Variants in PGAP3 observed in about 807,000 individuals in gnomAD.
PGAP3 encodes GPI-specific phospholipase A2-like PGAP3.
Under a neutral mutation model 40.3 loss-of-function variants are expected in PGAP3, and 31 were observed. The observed-to-expected ratio is 0.77, with a 90% CI of 0.58 to 1.04. The LOEUF (loss-of-function observed/expected upper bound fraction) is 1.04. Ranked by LOEUF, PGAP3 falls within the 50% of genes least tolerant of loss-of-function variation. The pLI, the probability that PGAP3 is intolerant of heterozygous loss-of-function variation, is 0.00. For missense variants in PGAP3, 413 were observed against 423.0 expected (o/e 0.98, Z 0.21); for synonymous variants, 191 against 184.5 (o/e 1.04, Z -0.29).
chr17:39,677,309 C>T (rs11656146), intron 3 of PGAP3, among the ~76,000 whole-genome samples: 8,535 of 152,182 alleles, frequency 0.056, 345 homozygotes, highest in Non-Finnish European at 0.086. Context: ...ACTCTCACCA[C>T]GCCCGTTCAC....
In PGAP3 at chr17:39,684,860, C is replaced by T. The variant is rs1437358456; in HGVS notation, c.280-111G>A. The T allele has an allele frequency of 3.8e-6, 5 of 1,318,140 alleles. No homozygotes were observed. The African/African-American group carries it at 7.5e-5, about 20-fold the overall frequency. The allele number at this position is 1,318,140 out of a possible 1,614,324, so 81.7% of individuals were successfully genotyped here. Reference sequence around the variant, plus strand: ...CAGGTCCTCAGCTGAGTCCTCAGCTCTGGAGTTTGGCCAAAGCCTCAGGTT... The same window carrying T: ...CAGGTCCTCAGCTGAGTCCTCAGCTTTGGAGTTTGGCCAAAGCCTCAGGTT... On this transcript the variant is annotated intron_variant, in intron 2 of 7. Transcript: ENST00000300658.
chr17:39,687,928 G>A lies in PGAP3; in HGVS notation c.87C>T (p.Tyr29=), dbSNP rs756294252. 4.0e-6 allele frequency: 6 copies of A among 1,499,422 alleles called. No individual in the cohort carries two copies. Among genetic ancestry groups the A allele is most frequent in the Non-Finnish European group, 5.4e-6 (6 of 1,112,318 alleles). 92.9% of individuals were successfully genotyped at this position (1,499,422 alleles called of 1,614,324 possible). The change falls in exon 1 of 8, where the codon TAC becomes TAT. Residue 29 remains tyrosine, a synonymous_variant. Coordinates refer to ENST00000300658, the MANE Select transcript of PGAP3 (RefSeq NM_033419.5). Reference sequence around the variant, plus strand: ...CTTCGCACTGCAGTACGCAGTCGCGGTACACCGGCTCACGGTCGCCCTGGG... The same window carrying A: ...CTTCGCACTGCAGTACGCAGTCGCGATACACCGGCTCACGGTCGCCCTGGG... The part of the protein sequence containing the change: ...SGSQGDREPV[Y]RDCVLQCEEQ...
intron 5 of PGAP3, 154 bp downstream of exon 5, chr17:39,673,839 C>G: frequency 8.3e-7 from 1 of 1,202,490 alleles, no homozygotes. Context: ...CCCAGTCCTA[C>G]CCCAGAGTCC....
chr17:39,672,792 C>T lies in PGAP3; in HGVS notation c.*11G>A. On this transcript the variant is annotated 3_prime_UTR_variant, in exon 8 of 8. Transcript: ENST00000300658. ...CAGGATCCCCACTGGGGCAGACTCG[C>T]TCCAAGGTCTTCAGTCCAGCTTGAA... The T allele has an allele frequency of 6.2e-7, 1 of 1,613,914 alleles. No homozygotes were observed. The highest frequency in any genetic ancestry group is 1.1e-5 in the South Asian group (1 of 91,080).
Position 39,673,659 on chromosome 17 carries a change from C to T in PGAP3, c.558-9G>A. The T allele has an allele frequency of 1.2e-6, 2 of 1,613,752 alleles. No homozygotes were observed. The highest frequency in any genetic ancestry group is 1.7e-6 in the Non-Finnish European group (2 of 1,179,954). On this transcript the variant is annotated splice_polypyrimidine_tract_variant and intron_variant, in intron 5 of 7. Coordinates refer to ENST00000300658, the MANE Select transcript of PGAP3 (RefSeq NM_033419.5). ...GCTGCAGCCCCACGGTCCTGCCCCA[C>T]CGTCCAGGGTTGCTCAGAGGGCAGG... is the stretch of plus-strand genomic sequence containing the variant.
At chr17:39,681,896 A>G (rs1256221370) in intron 3 of PGAP3, among the ~76,000 whole-genome samples, 1 of 151,884 alleles carries the variant, frequency 6.6e-6, no homozygotes, top group African/African-American at 2.4e-5. Flanking sequence ...CCAAGTAAGG[A>G]AGTCTCCTCT....
At chr17:39,672,915 G>C (rs760727655) in intron 7 of PGAP3, 49 bp from the exon 8 acceptor site, 2 of 1,601,242 alleles carry the variant, frequency 1.2e-6, no homozygotes, top group African/African-American at 1.3e-5. Context: ...CTGACAGCTC[G>C]CATGGAGACA....
rs763895161 is a variant in PGAP3 at position 39,685,890 on chromosome 17, T to G, written c.279+32A>C. 1.9e-6 allele frequency: 3 copies of G among 1,585,940 alleles called. No individual in the cohort carries two copies. The Admixed American group carries it at 5.0e-5, about 27-fold the overall frequency. On this transcript the variant is annotated intron_variant, in intron 2 of 7. Transcript: ENST00000300658. Reference sequence around the variant, plus strand: ...GGGTATATTACTCCTACCACGCTACTACCATATGCCTACCCTGACCCTCCA... The same window carrying G: ...GGGTATATTACTCCTACCACGCTACGACCATATGCCTACCCTGACCCTCCA...
rs1300497133 is a variant in PGAP3, at chr17:39,674,614, C to T, written c.495+3G>A. 4 of 1,550,388 alleles carry T rather than the reference C, an allele frequency of 2.6e-6. No homozygotes were observed. The highest frequency in any genetic ancestry group is 3.5e-6 in the Non-Finnish European group (4 of 1,145,936). ...CAGGAGGGGGAGCTGGAGGAATGCT[C>T]ACCTCTGTGAGGTCAGTGTCCCTGG... On this transcript the variant is annotated splice_donor_region_variant and intron_variant, in intron 4 of 7. Coordinates refer to ENST00000300658, the MANE Select transcript of PGAP3 (RefSeq NM_033419.5).
intron 3 of PGAP3, among the ~76,000 whole-genome samples, chr17:39,679,137 G>A (rs1185211737): frequency 1.3e-5 from 2 of 151,994 alleles, no homozygotes. Flanking sequence ...GTAGAGACGG[G>A]GTTTCACCAT....
At chr17:39,673,456 C>T in intron 6 of PGAP3, 58 bp downstream of exon 6, 1 of 1,608,346 alleles carries the variant, frequency 6.2e-7, no homozygotes, top group Non-Finnish European at 8.5e-7. Context: ...GCACCAACCT[C>T]CCACTCGCAC....
chr17:39,681,029 AT>A (rs201861533), intron 3 of PGAP3, among the ~76,000 whole-genome samples: 2 of 151,636 alleles, frequency 1.3e-5, no homozygotes, highest in Non-Finnish European at 2.9e-5. Flanking sequence ...GGCCTGGCTT[AT>A]TTTTTTTGTA....
At chr17:39,681,820 C>CT (rs1279189500) in intron 3 of PGAP3, among the ~76,000 whole-genome samples, 1 of 150,628 alleles carries the variant, frequency 6.6e-6, no homozygotes, top group East Asian at 2.0e-4. Context: ...CAAACTGAAA[C>CT]TTTAAGGTAA....
intron 3 of PGAP3, among the ~76,000 whole-genome samples, chr17:39,679,099 C>T (rs2057409176): frequency 6.6e-6 from 1 of 152,160 alleles, no homozygotes; most frequent in African/African-American, 2.4e-5. Flanking sequence ...GCACCCATCA[C>T]CACGCCTGAC....
intron 3 of PGAP3, chr17:39,676,870 C>G (rs550397957): frequency 6.6e-6 from 1 of 152,566 alleles, no homozygotes; most frequent in African/African-American, 2.4e-5. Context: ...CTTGCCTGAC[C>G]AGCACAGAAC....
chr17:39,672,475 A>C lies in PGAP3; in HGVS notation c.*328T>G. 1 of 396,618 alleles carries C rather than the reference A, an allele frequency of 2.5e-6. No individual in the cohort carries two copies. The highest frequency in any genetic ancestry group is 2.8e-5 in the South Asian group (1 of 35,950). The allele number at this position is 396,618 out of a possible 1,614,324, so 24.6% of individuals were successfully genotyped here. ...TCAGGACCCAGCCAGGCAGCTGGGG[A>C]TGTGGGGAGGAGGCTGATGGGGAGG... is the stretch of plus-strand genomic sequence containing the variant. On this transcript the variant is annotated 3_prime_UTR_variant, in exon 8 of 8. Coordinates refer to ENST00000300658, the MANE Select transcript of PGAP3 (RefSeq NM_033419.5).
chr17:39,672,928 G>A, intron 7 of PGAP3, 62 bp from the exon 8 acceptor site: 6 of 1,594,044 alleles, frequency 3.8e-6, no homozygotes, highest in Non-Finnish European at 5.2e-6. Context: ...TGGAGACAAG[G>A]GTGGGGTGCA....
At chr17:39,675,361 A>G (rs1567872778) in intron 3 of PGAP3, among the ~76,000 whole-genome samples, 1 of 152,220 alleles carries the variant, frequency 6.6e-6, no homozygotes, top group Non-Finnish European at 1.5e-5. Flanking sequence ...AGCTGCGTGG[A>G]GAGAGCACAA....
chr17:39,686,360 G>C (rs997627388), intron 1 of PGAP3, among the ~76,000 whole-genome samples: 24 of 151,964 alleles, frequency 1.6e-4, no homozygotes, highest in Admixed American at 1.6e-3. Flanking sequence ...GGGTTCAAGC[G>C]ATTCTCCTGC....
Sources: allele counts gnomAD v4.1 joint callset (sites outside exome capture counted in the v4.1 genomes callset), GRCh38; gene constraint gnomAD v4.1.1; transcripts MANE v1.5; gene names NCBI Gene and HGNC (gene_info 2026-07-23, HGNC 2026-07-21).